EPHA6: variants seen among roughly 807,000 people sequenced by gnomAD.
EPHA6 encodes the protein EPH receptor A6.
In EPHA6, 50 loss-of-function variants were observed where a neutral mutation model predicts 112.0. That is an observed-to-expected ratio of 0.45 (90% CI 0.36 to 0.56). The LOEUF (loss-of-function observed/expected upper bound fraction) is 0.56. EPHA6 is among the 20% of genes least tolerant of loss of function. EPHA6 has a pLI of 0.00. For synonymous variants in EPHA6, 529 were observed against 490.7 expected (o/e 1.08, Z -1.03); for missense variants, 1,280 against 1,417.4 (o/e 0.90, Z 1.56).
At chr3:96,925,057 T>C (rs950237825) in intron 2 of EPHA6, among the ~76,000 whole-genome samples, 1 of 152,182 alleles carries the variant, frequency 6.6e-6, no homozygotes, top group Non-Finnish European at 1.5e-5. Flanking sequence ...TTACTGAGGA[T>C]TTTTGCATCA....
chr3:97,392,550 A>G (rs1203726415), intron 5 of EPHA6, among the ~76,000 whole-genome samples: 1 of 151,756 alleles, frequency 6.6e-6, no homozygotes, highest in East Asian at 1.9e-4. Flanking sequence ...GACATTTTAC[A>G]TATTATGCTT....
At chr3:96,943,377 C>T (rs2041083451) in intron 2 of EPHA6, among the ~76,000 whole-genome samples, 3 of 152,018 alleles carry the variant, frequency 2.0e-5, no homozygotes, top group Non-Finnish European at 4.4e-5. Flanking sequence ...TATATCAAAA[C>T]ATTATACTGT....
chr3:97,479,672 A>G (rs2091474106), intron 9 of EPHA6, among the ~76,000 whole-genome samples: 2 of 152,176 alleles, frequency 1.3e-5, no homozygotes, highest in South Asian at 4.1e-4. Context: ...ACATGAGTTG[A>G]TTTTATCTAG....
chr3:97,348,667 A>G (rs529330770), intron 5 of EPHA6, among the ~76,000 whole-genome samples: 2 of 152,230 alleles, frequency 1.3e-5, no homozygotes, highest in Admixed American at 1.3e-4. Context: ...CAGGAAACTG[A>G]AAGAGTTAGG....
At chr3:97,458,859 G>C (rs2090785561) in intron 7 of EPHA6, among the ~76,000 whole-genome samples, 2 of 152,108 alleles carry the variant, frequency 1.3e-5, no homozygotes, top group Non-Finnish European at 2.9e-5. Context: ...AAATGGGCCA[G>C]ATATAGATGT....
intron 2 of EPHA6, among the ~76,000 whole-genome samples, chr3:96,934,044 A>T (rs2040462482): frequency 6.6e-6 from 1 of 152,012 alleles, no homozygotes; most frequent in East Asian, 1.9e-4. Context: ...AACCAAAATA[A>T]TTGGTTCATA....
intron 16 of EPHA6, among the ~76,000 whole-genome samples, chr3:97,740,020 C>T (rs933127633): frequency 6.6e-6 from 1 of 152,040 alleles, no homozygotes; most frequent in African/African-American, 2.4e-5. Flanking sequence ...CCTGGCCATG[C>T]ACTTTAAAAC....
In EPHA6 at chr3:96,845,087, A is replaced by C. The variant is rs572775639; in HGVS notation, c.386-21738A>C. Reference sequence around the variant, plus strand: ...TAGATATTAGTCCAAAGATAAGATAAATATTTTTTGATTAATGAGTTCTTT... The same window carrying C: ...TAGATATTAGTCCAAAGATAAGATACATATTTTTTGATTAATGAGTTCTTT... On this transcript the variant is annotated intron_variant, in intron 1 of 17. Transcript: ENST00000389672. 1.2e-4 allele frequency among the ~76,000 whole-genome samples: 19 copies of C among 152,136 alleles called. No homozygotes were observed. In the South Asian group the frequency reaches 3.9e-3, roughly 32 times the overall value.
intron 2 of EPHA6, among the ~76,000 whole-genome samples, chr3:96,886,022 T>A (rs2037599623): frequency 2.0e-5 from 3 of 152,208 alleles, no homozygotes; most frequent in Admixed American, 6.5e-5. Flanking sequence ...TTCTGTGTAT[T>A]TGCATGTTTT....
intron 1 of EPHA6, among the ~76,000 whole-genome samples, chr3:96,825,973 T>C (rs989336547): frequency 6.6e-6 from 1 of 151,904 alleles, no homozygotes; most frequent in Non-Finnish European, 1.5e-5. Context: ...ATAACGCTAA[T>C]AGATTATCCC....
chr3:97,577,816 T>TG (rs1298716535), intron 11 of EPHA6, among the ~76,000 whole-genome samples: 17 of 152,284 alleles, frequency 1.1e-4, no homozygotes, highest in African/African-American at 4.1e-4. Flanking sequence ...TTTTTGTTTT[T>TG]CTTGGTTTTT....
intron 3 of EPHA6, among the ~76,000 whole-genome samples, chr3:97,147,599 A>G (rs1300934327): frequency 6.6e-6 from 1 of 152,150 alleles, no homozygotes; most frequent in Admixed American, 6.6e-5. Flanking sequence ...GTAAATAAAT[A>G]TAATGTTTAT....
At chr3:96,939,520 A>G (rs1329596407) in intron 2 of EPHA6, among the ~76,000 whole-genome samples, 4 of 151,960 alleles carry the variant, frequency 2.6e-5, no homozygotes, top group Admixed American at 2.0e-4. Context: ...TCTTGCTAGC[A>G]GTCTATCAAT....
chr3:97,043,757 C>T (rs561805958), intron 3 of EPHA6, among the ~76,000 whole-genome samples: 1 of 152,100 alleles, frequency 6.6e-6, no homozygotes, highest in African/African-American at 2.4e-5. Context: ...ATTTTAAGAT[C>T]TATAGAGATG....
At position 97,102,351 on chromosome 3, in the gene EPHA6, A is replaced by C. The variant is rs181590952; in HGVS notation, c.1114+114358A>C. On this transcript the variant is annotated intron_variant, in intron 3 of 17. Transcript: ENST00000389672. ...AGCATTGTTCAGCTGAGTCCTAACC[A>C]AACTCCTGACCTACAGAACTGCGAG... 1.5e-3 allele frequency among the ~76,000 whole-genome samples: 233 copies of C among 152,162 alleles called. 1 individual carries two copies. Among genetic ancestry groups the C allele is most frequent in the African/African-American group, 5.2e-3 (217 of 41,542 alleles).
Position 97,517,229 on chromosome 3 carries a change from C to T in EPHA6, c.2201-15129C>T, listed in dbSNP as rs1395809886. ...GCCAGAGTCCACTAGGAACACACTA[C>T]AGTTGAACAAATTGGGTTTATCACT... is the stretch of plus-strand genomic sequence containing the variant. On this transcript the variant is annotated intron_variant, in intron 10 of 17. Transcript: ENST00000389672. 3.3e-5 allele frequency among the ~76,000 whole-genome samples: 5 copies of T among 152,226 alleles called. No individual in the cohort carries two copies. The East Asian group carries it at 9.7e-4, about 29-fold the overall frequency.
intron 3 of EPHA6, among the ~76,000 whole-genome samples, chr3:97,065,309 T>G (rs2046143759): frequency 6.6e-6 from 1 of 152,158 alleles, no homozygotes; most frequent in Non-Finnish European, 1.5e-5. Context: ...ACATTGAATC[T>G]CTTGGTTAAA....
rs147109384 is a variant in EPHA6, at chr3:97,586,543, TA to T, written c.2387-6059del. Reference sequence around the variant, plus strand: ...GTATAATGTTATAAATTACTATAACTAAAAAAAAAAGAGAGAGGCATGTAGG... The same window carrying T: ...GTATAATGTTATAAATTACTATAACTAAAAAAAAAGAGAGAGGCATGTAGG... On this transcript the variant is annotated intron_variant, in intron 11 of 17. Transcript: ENST00000389672. Among the ~76,000 whole-genome samples, 822 of 145,542 alleles carry T rather than the reference TA, an allele frequency of 5.6e-3. 33 individuals carry two copies. The East Asian group carries it at 0.11, about 20-fold the overall frequency.
chr3:97,164,200 A>T (rs1245341774), intron 3 of EPHA6, among the ~76,000 whole-genome samples: 2 of 152,148 alleles, frequency 1.3e-5, no homozygotes, highest in Non-Finnish European at 2.9e-5. Flanking sequence ...GTGGAATAGG[A>T]GTATCACATA....
Sources: allele counts gnomAD v4.1 joint callset (sites outside exome capture counted in the v4.1 genomes callset), GRCh38; gene constraint gnomAD v4.1.1; transcripts MANE v1.5; gene names NCBI Gene and HGNC (gene_info 2026-07-23, HGNC 2026-07-21).